The following KLHL25 variants were observed in gnomAD, a reference collection of about 807,000 sequenced individuals.
The protein encoded by KLHL25 is kelch-like protein 25.
In KLHL25, 41 loss-of-function variants were observed where a neutral mutation model predicts 30.0. The observed-to-expected ratio is 1.37, with a 90% CI of 1.07 to 1.78. The LOEUF (loss-of-function observed/expected upper bound fraction) is 1.78. KLHL25 is among the 40% of genes most tolerant of loss of function. The pLI is 0.00. For synonymous variants in KLHL25, 399 were observed against 355.3 expected (o/e 1.12, Z -1.38); for missense variants, 971 against 824.5 (o/e 1.18, Z -2.18).
At position 85,769,682 on chromosome 15, in the gene KLHL25, G is replaced by A. The variant is rs1288489936; in HGVS notation, c.129C>T (p.Cys43=). 1.2e-6 allele frequency: 2 copies of A among 1,613,922 alleles called. No individual in the cohort carries two copies. The highest frequency in any genetic ancestry group is 1.7e-6 in the Non-Finnish European group (2 of 1,180,032). The change falls in exon 2 of 3, where the codon TGC becomes TGT. Residue 43 remains cysteine, a synonymous_variant. Transcript: ENST00000337975. Reference sequence around the variant, plus strand: ...CCCAGAGTGTGACGTCGGTGAACATGCAGTGCTTGCGAAGCGTGTTGAGGT... The same window carrying A: ...CCCAGAGTGTGACGTCGGTGAACATACAGTGCTTGCGAAGCGTGTTGAGGT... ...LAHLNTLRKH[C]MFTDVTLWAG...
intron 1 of KLHL25, chr15:85,771,042 C>A: frequency 1.0e-5 from 2 of 196,328 alleles, no homozygotes; most frequent in East Asian, 1.3e-4. Flanking sequence ...ACCTGCCCCA[C>A]TGACCTGTGG....
In KLHL25 at chr15:85,768,456, G is replaced by A; in HGVS notation, c.1355C>T (p.Thr452Ile). The A allele has an allele frequency of 6.2e-7, 1 of 1,613,478 alleles. No homozygotes were observed. The highest frequency in any genetic ancestry group is 8.5e-7 in the Non-Finnish European group (1 of 1,179,838). ...AKLKLFVFGG[T>I]SIHRDMVSKV... ...GGACACCATGTCCCGGTGGATGCTG[G>A]TTCCTCCGAAAACAAAGAGCTTCAG... Residue 452 changes from threonine to isoleucine, a missense_variant, in exon 2 of 3, where the codon ACC becomes ATC. Transcript: ENST00000337975.
chr15:85,782,217 C>G (rs188313025), intron 1 of KLHL25, among the ~76,000 whole-genome samples: 1 of 151,988 alleles, frequency 6.6e-6, no homozygotes, highest in Non-Finnish European at 1.5e-5. Flanking sequence ...CCATAAATAG[C>G]CAGTCATTCA....
At chr15:85,786,133 G>A (rs1023809302) in intron 1 of KLHL25, among the ~76,000 whole-genome samples, 3 of 152,202 alleles carry the variant, frequency 2.0e-5, no homozygotes, top group Non-Finnish European at 4.4e-5. Flanking sequence ...TAGCTGCAGA[G>A]GTATAAAGGC....
In KLHL25 at chr15:85,785,816, T is replaced by C. The variant is rs184422092; in HGVS notation, c.-11+8950A>G. ...AAAGTCCTGGTTGGAGTGGTAAAAA[T>C]AGCAACTGCAACTTCCTGCAACACA... On this transcript the variant is annotated intron_variant, in intron 1 of 2. Transcript: ENST00000337975. Among the ~76,000 whole-genome samples, 3 of 152,202 alleles carry C rather than the reference T, an allele frequency of 2.0e-5. No individual in the cohort carries two copies. The East Asian group carries it at 5.8e-4, about 29-fold the overall frequency.
chr15:85,793,967 C>G (rs565600525), intron 1 of KLHL25, among the ~76,000 whole-genome samples: 1 of 152,174 alleles, frequency 6.6e-6, no homozygotes, highest in African/African-American at 2.4e-5. Flanking sequence ...GGGCTTAGAG[C>G]AGCAACACAA....
chr15:85,767,928 G>C, intron 2 of KLHL25, 89 bp downstream of exon 2: 1 of 846,924 alleles, frequency 1.2e-6, no homozygotes, highest in South Asian at 1.9e-5. Context: ...TGGAAGACAC[G>C]GTGACCTTCA....
chr15:85,769,217 C>A lies in KLHL25; in HGVS notation c.594G>T (p.Ser198=), dbSNP rs143930621. The change falls in exon 2 of 3, where the codon TCG becomes TCT. Residue 198 remains serine, a synonymous_variant. Transcript: ENST00000337975. ...CGTCCTCGGTCTCCAGCTCATCACT[C>A]GAGATGAGGTCCAGCAGTGTGTCCT... ...LSKDTLLDLI[S]SDELETEDER... The A allele has an allele frequency of 1.9e-6, 3 of 1,613,738 alleles. No homozygotes were observed. The highest frequency in any genetic ancestry group is 2.5e-6 in the Non-Finnish European group (3 of 1,180,022).
chr15:85,771,594 G>A (rs1460308384), intron 1 of KLHL25, among the ~76,000 whole-genome samples: 1 of 152,198 alleles, frequency 6.6e-6, no homozygotes, highest in Non-Finnish European at 1.5e-5. Flanking sequence ...GAGGGCACAG[G>A]GCCAGACTGG....
intron 1 of KLHL25, among the ~76,000 whole-genome samples, chr15:85,781,488 T>C (rs933254368): frequency 3.3e-5 from 5 of 152,122 alleles, no homozygotes; most frequent in African/African-American, 1.2e-4. Context: ...TTTTTCTTTT[T>C]TTGTTTTTTG....
intron 1 of KLHL25, among the ~76,000 whole-genome samples, chr15:85,784,502 C>T (rs909996299): frequency 6.6e-6 from 1 of 151,636 alleles, no homozygotes; most frequent in Admixed American, 6.6e-5. Flanking sequence ...CTGCACTCAG[C>T]CCAGGCAACA....
At chr15:85,792,338 C>T (rs1441345033) in intron 1 of KLHL25, among the ~76,000 whole-genome samples, 1 of 152,166 alleles carries the variant, frequency 6.6e-6, no homozygotes, top group Non-Finnish European at 1.5e-5. Context: ...CTGGCTGAGG[C>T]AATTAAATTA....
intron 1 of KLHL25, among the ~76,000 whole-genome samples, chr15:85,794,564 G>C (rs575629475): frequency 1.3e-5 from 2 of 152,162 alleles, no homozygotes; most frequent in Non-Finnish European, 2.9e-5. Flanking sequence ...GGAGCCGCGG[G>C]GTGCCGGCCG....
At position 85,768,823 on chromosome 15, in the gene KLHL25, G is replaced by C; in HGVS notation, c.988C>G (p.Arg330Gly). Reference protein sequence around the residue: ...IIPKADLPSPRKEFSASAIGC... With the variant: ...IIPKADLPSPGKEFSASAIGC... ...ATCGCTGAGGCGCTGAACTCCTTCC[G>C]GGGGCTGGGCAGGTCGGCCTTGGGG... is the stretch of plus-strand genomic sequence containing the variant. The change falls in exon 2 of 3, where the codon CGG becomes GGG. Residue 330 changes from arginine to glycine, a missense_variant. Transcript: ENST00000337975. 5 of 1,613,308 alleles carry C rather than the reference G, an allele frequency of 3.1e-6. No homozygotes were observed. Among genetic ancestry groups the C allele is most frequent in the Non-Finnish European group, 4.2e-6 (5 of 1,180,050 alleles).
chr15:85,760,502 C>G lies in KLHL25; in HGVS notation c.*534G>C, dbSNP rs1266696313. On this transcript the variant is annotated 3_prime_UTR_variant, in exon 3 of 3. Coordinates refer to ENST00000337975, the MANE Select transcript of KLHL25 (RefSeq NM_022480.4). Reference sequence around the variant, plus strand: ...CACTGAGGCCCCCCTGCAGTTTCTGCACCTTAAAAAATCTGTCTTGGTCAC... The same window carrying G: ...CACTGAGGCCCCCCTGCAGTTTCTGGACCTTAAAAAATCTGTCTTGGTCAC... 6.6e-6 allele frequency: 1 copy of G among 152,302 alleles called. No individual in the cohort carries two copies. Among genetic ancestry groups the G allele is most frequent in the Non-Finnish European group, 1.5e-5 (1 of 68,016 alleles). The allele number at this position is 152,302 out of a possible 1,614,324, so 9.4% of individuals were successfully genotyped here. A position where few individuals can be genotyped will look rare whatever the true frequency, so the allele number is the denominator to read the frequency against.
Position 85,768,128 on chromosome 15 carries a change from AGT to A in KLHL25, c.1681_1682del (p.Thr561PhefsTer34). Reference protein sequence around the residue: ...RCKTLDCYDPTSDTWNCITTV... With the variant: ...RCKTLDCYDPXSDTWNCITTV... ...TGGTGATGCAGTTCCATGTATCTGA[AGT>A]GGGGTCATAGCAGTCCAGAGTCTTA... On this transcript the variant is annotated frameshift_variant, in exon 2 of 3. Coordinates refer to ENST00000337975, the MANE Select transcript of KLHL25 (RefSeq NM_022480.4). LOFTEE classifies it low-confidence loss of function (END_TRUNC). The A allele has an allele frequency of 6.2e-7, 1 of 1,614,210 alleles. No individual in the cohort carries two copies. The highest frequency in any genetic ancestry group is 8.5e-7 in the Non-Finnish European group (1 of 1,180,040).
At chr15:85,776,608 G>T (rs552366517) in intron 1 of KLHL25, among the ~76,000 whole-genome samples, 30 of 152,002 alleles carry the variant, frequency 2.0e-4, no homozygotes, top group Non-Finnish European at 3.5e-4. Flanking sequence ...TATTTAGTTT[G>T]GTTTTGTTTC....
At position 85,768,754 on chromosome 15, in the gene KLHL25, C is replaced by A; in HGVS notation, c.1057G>T (p.Gly353Trp). ...TACACCCAGACATCCTTGGAGACCC[C>A]GTTCTCGGAGCCCCTGCCCCCCGTC... ...YVTGGRGSEN[G>W]VSKDVWVYDT... Residue 353 changes from glycine (G) to tryptophan (W), a missense_variant, in exon 2 of 3, where the codon GGG becomes TGG. By Grantham distance (184) the Gly-to-Trp change is radical. Coordinates refer to ENST00000337975, the MANE Select transcript of KLHL25 (RefSeq NM_022480.4). 5 of 1,613,026 alleles carry A rather than the reference C, an allele frequency of 3.1e-6. No homozygotes were observed. Among genetic ancestry groups the A allele is most frequent in the Non-Finnish European group, 2.5e-6 (3 of 1,179,880 alleles).
chr15:85,759,541 G>A lies in KLHL25; in HGVS notation c.*1495C>T, dbSNP rs1000206012. The A allele has an allele frequency of 1.3e-5, 2 of 152,332 alleles. No homozygotes were observed. The highest frequency in any genetic ancestry group is 4.8e-5 in the African/African-American group (2 of 41,458). 9.4% of individuals were successfully genotyped at this position (152,332 alleles called of 1,614,324 possible). On this transcript the variant is annotated 3_prime_UTR_variant, in exon 3 of 3. Transcript: ENST00000337975. ...TGGGACCACAGCCAAGTGCCTTCGG[G>A]CAGCTGGCCTGACACAGGCGGGGTC...
Sources: gnomAD v4.1 joint callset for allele counts (sites outside exome capture counted in the v4.1 genomes callset) on GRCh38, gnomAD v4.1.1 for gene constraint, MANE v1.5 for transcripts, NCBI Gene and HGNC (gene_info 2026-07-23, HGNC 2026-07-21) for gene names.